Variants in PTPRT observed in about 807,000 individuals in gnomAD.
PTPRT encodes receptor-type tyrosine-protein phosphatase T.
PTPRT carries 56 observed loss-of-function variants against 176.8 expected under a neutral mutation model. The observed-to-expected ratio is 0.32, with a 90% CI of 0.26 to 0.40. The LOEUF (loss-of-function observed/expected upper bound fraction) is 0.40. Ranked by LOEUF, PTPRT falls within the 10% of genes least tolerant of loss-of-function variation. PTPRT has a pLI of 1.00. For missense variants in PTPRT, 1,540 were observed against 1,908.2 expected (o/e 0.81, Z 3.60); for synonymous variants, 783 against 739.0 (o/e 1.06, Z -0.96).
chr20:42,126,338 GA>G (rs1425669884), intron 19 of PTPRT, among the ~76,000 whole-genome samples: 2 of 152,116 alleles, frequency 1.3e-5, no homozygotes, highest in Non-Finnish European at 2.9e-5. Flanking sequence ...AGGTACTCTT[GA>G]CTCAAATTTC....
At chr20:42,565,893 G>A (rs1008081499) in intron 7 of PTPRT, among the ~76,000 whole-genome samples, 18 of 151,962 alleles carry the variant, frequency 1.2e-4, no homozygotes, top group African/African-American at 4.1e-4. Context: ...TTTTATTAAT[G>A]CAATTTTCTC....
chr20:42,454,983 T>C (rs994219883), intron 8 of PTPRT, among the ~76,000 whole-genome samples: 2 of 152,236 alleles, frequency 1.3e-5, no homozygotes, highest in East Asian at 3.8e-4. Flanking sequence ...AGGAAGTTGA[T>C]GGATGAACAT....
At chr20:42,497,036 T>G (rs1431202266) in intron 7 of PTPRT, among the ~76,000 whole-genome samples, 1 of 152,144 alleles carries the variant, frequency 6.6e-6, no homozygotes, top group Non-Finnish European at 1.5e-5. Context: ...AGGTAGTCCC[T>G]TACCAGCAAG....
intron 7 of PTPRT, among the ~76,000 whole-genome samples, chr20:42,625,922 G>GAAATGGAACTTTTGTAGAACATTTCTACA (rs1457927960): frequency 7.7e-6 from 1 of 130,160 alleles, no homozygotes; most frequent in African/African-American, 2.9e-5. Context: ...CCATTTTGTA[G>GAAATGGAACTTTTGTAGAACATTTCTACA]AAATGGAACT....
chr20:42,922,329 T>A (rs990255998), intron 1 of PTPRT, among the ~76,000 whole-genome samples: 2 of 152,156 alleles, frequency 1.3e-5, no homozygotes, highest in Non-Finnish European at 2.9e-5. Flanking sequence ...GAATTTCTTC[T>A]CTTCTAAGTC....
At chr20:42,095,444 C>A (rs1004437000) in intron 27 of PTPRT, among the ~76,000 whole-genome samples, 4 of 152,314 alleles carry the variant, frequency 2.6e-5, no homozygotes, top group Middle Eastern at 3.4e-3. Context: ...GCCTACCCTG[C>A]AGCCTGGGTG....
At chr20:42,947,945 C>G (rs1226109004) in intron 1 of PTPRT, among the ~76,000 whole-genome samples, 1 of 152,186 alleles carries the variant, frequency 6.6e-6, no homozygotes, top group Non-Finnish European at 1.5e-5. Context: ...AGTACTAGAA[C>G]AGTGCCTGGC....
At chr20:42,337,814 G>C (rs1259855156) in intron 11 of PTPRT, among the ~76,000 whole-genome samples, 1 of 152,232 alleles carries the variant, frequency 6.6e-6, no homozygotes, top group African/African-American at 2.4e-5. Context: ...AAATGGTTGA[G>C]ACTTTGGAGA....
chr20:42,791,360 G>A lies in PTPRT; in HGVS notation c.321C>T (p.Tyr107=), dbSNP rs769520484. The A allele has an allele frequency of 1.4e-5, 23 of 1,614,226 alleles. No individual in the cohort carries two copies. In the South Asian group the frequency reaches 2.5e-4, roughly 18 times the overall value. The part of the protein sequence containing the change: ...ENDTHCIDFH[Y]YFSSRDRSSP... The stretch of plus-strand genomic sequence containing the variant: ...TGGACCTGTCACGGCTGGAGAAGTA[G>A]TAATGGAAGTCGATGCAGTGGGTGT... The change falls in exon 3 of 31, where the codon TAC becomes TAT. Residue 107 remains tyrosine, a synonymous_variant. Coordinates refer to ENST00000373187, the MANE Select transcript of PTPRT (RefSeq NM_007050.6).
intron 3 of PTPRT, among the ~76,000 whole-genome samples, chr20:42,790,667 G>A (rs1480449894): frequency 6.6e-6 from 1 of 152,022 alleles, no homozygotes; most frequent in Non-Finnish European, 1.5e-5. Flanking sequence ...TGTACACACT[G>A]TCTGTGACAA....
chr20:43,103,483 T>A lies in PTPRT; in HGVS notation c.88+86163A>T, dbSNP rs547700200. ...CTGAGAGGCTGAGACCCTTTTCAGATGACACCAAAAGCTAACTGCAGCCAT... is the reference window on the plus strand; with the variant it reads ...CTGAGAGGCTGAGACCCTTTTCAGAAGACACCAAAAGCTAACTGCAGCCAT... On this transcript the variant is annotated intron_variant, in intron 1 of 30. Transcript: ENST00000373187. Among the ~76,000 whole-genome samples, 7 of 152,278 alleles carry A rather than the reference T, an allele frequency of 4.6e-5. No individual in the cohort carries two copies. In the South Asian group the frequency reaches 6.2e-4, roughly 14 times the overall value.
intron 1 of PTPRT, among the ~76,000 whole-genome samples, chr20:43,123,787 C>T (rs1298708831): frequency 1.3e-5 from 2 of 152,168 alleles, no homozygotes; most frequent in Non-Finnish European, 2.9e-5. Context: ...GCTGAAAGAC[C>T]ACCAGATGAG....
chr20:42,888,784 T>A (rs79564659), intron 1 of PTPRT, among the ~76,000 whole-genome samples: 1,562 of 152,294 alleles, frequency 0.01, 29 homozygotes, highest in African/African-American at 0.036. Flanking sequence ...GCTCTGGACA[T>A]GGCACAGAAT....
At chr20:43,062,017 G>A (rs1231812038) in intron 1 of PTPRT, among the ~76,000 whole-genome samples, 1 of 152,200 alleles carries the variant, frequency 6.6e-6, no homozygotes, top group African/African-American at 2.4e-5. Context: ...CATACTGCAT[G>A]TTTCCATTTC....
chr20:42,797,066 G>A (rs1034700950), intron 2 of PTPRT, among the ~76,000 whole-genome samples: 2 of 152,124 alleles, frequency 1.3e-5, no homozygotes, highest in Non-Finnish European at 2.9e-5. Flanking sequence ...TACCCCTAAA[G>A]TTTTGTTTCA....
chr20:42,497,208 C>T (rs772404062), intron 7 of PTPRT, among the ~76,000 whole-genome samples: 1 of 152,156 alleles, frequency 6.6e-6, no homozygotes, highest in Non-Finnish European at 1.5e-5. Flanking sequence ...AACCTGAGTG[C>T]ATTTGCACAG....
intron 6 of PTPRT, among the ~76,000 whole-genome samples, chr20:42,718,463 G>A (rs1327028861): frequency 2.0e-5 from 3 of 152,190 alleles, no homozygotes; most frequent in Non-Finnish European, 4.4e-5. Context: ...CGTGAACCCA[G>A]GGGGCGGAGC....
intron 1 of PTPRT, among the ~76,000 whole-genome samples, chr20:43,053,038 T>C (rs947941931): frequency 1.0e-4 from 15 of 145,382 alleles, no homozygotes; most frequent in African/African-American, 4.0e-4. Context: ...ATCCATATGA[T>C]GGAATATGCC....
chr20:42,437,875 G>A (rs2059276376), intron 9 of PTPRT, among the ~76,000 whole-genome samples: 1 of 152,160 alleles, frequency 6.6e-6, no homozygotes, highest in Non-Finnish European at 1.5e-5. Flanking sequence ...AAACAGAAGC[G>A]AAAGAGCCAG....
Sources: allele counts gnomAD v4.1 joint callset (sites outside exome capture counted in the v4.1 genomes callset), GRCh38; gene constraint gnomAD v4.1.1; transcripts MANE v1.5; gene names NCBI Gene and HGNC (gene_info 2026-07-23, HGNC 2026-07-21).